RP1: variants seen among roughly 807,000 people sequenced by gnomAD.
The protein encoded by RP1 is oxygen-regulated protein 1.
Under a neutral mutation model 14.8 loss-of-function variants are expected in RP1, and 16 were observed. The ratio of observed to expected loss-of-function variants is 1.08; its 90% CI spans 0.73 to 1.65. The LOEUF (loss-of-function observed/expected upper bound fraction) is 1.65, where lower values mean the gene tolerates loss of function less well. Among genes scored for constraint, RP1 ranks in the 40% most tolerant of loss-of-function variants. The pLI is 0.00. For missense variants in RP1, 2,631 were observed against 2,535.0 expected, an observed-to-expected ratio of 1.04 and a Z score of -0.81; for synonymous variants, 876 against 883.6, an observed-to-expected ratio of 0.99 and a Z score of 0.15.
At chr8:54,641,303 C>T (rs1457883572) in intron 3 of RP1, among the ~76,000 whole-genome samples, 1 of 152,116 alleles carries the variant, frequency 6.6e-6, no homozygotes, top group Admixed American at 6.5e-5. Flanking sequence ...ATCATGAAGG[C>T]TGATCCTTTT....
chr8:54,571,410 G>C (rs771768913), intron 1 of RP1, among the ~76,000 whole-genome samples: 24 of 152,154 alleles, frequency 1.6e-4, no homozygotes, highest in Non-Finnish European at 3.2e-4. Flanking sequence ...CATATCATAG[G>C]TGCTTAATGA....
downstream of RP1, among the ~76,000 whole-genome samples, chr8:54,631,465 G>T (rs1406767501): frequency 6.6e-6 from 1 of 151,840 alleles, no homozygotes; most frequent in Non-Finnish European, 1.5e-5. Context: ...AGGGACTGTG[G>T]TACACCTGCA....
At chr8:54,601,648 T>C (rs1372700613) in intron 1 of RP1, among the ~76,000 whole-genome samples, 1 of 144,782 alleles carries the variant, frequency 6.9e-6, no homozygotes, top group Non-Finnish European at 1.5e-5. Context: ...TGCACAAGAA[T>C]GTTCATAGAA....
intron 1 of RP1, among the ~76,000 whole-genome samples, chr8:54,592,885 G>A (rs1465957362): frequency 6.6e-6 from 1 of 152,126 alleles, no homozygotes; most frequent in Admixed American, 6.5e-5. Flanking sequence ...TATCAAGAAA[G>A]CAAAAGTTTC....
chr8:54,739,605 T>C (rs1397834718), intron 19 of RP1, among the ~76,000 whole-genome samples: 1 of 152,140 alleles, frequency 6.6e-6, no homozygotes, highest in East Asian at 1.9e-4. Flanking sequence ...TCATTGATCA[T>C]TAGATGACCA....
chr8:54,734,855 G>C lies in RP1; in HGVS notation c.2721+111G>C, dbSNP rs1038266674. On this transcript the variant is annotated intron_variant, in intron 18 of 22. Coordinates refer to the RP1 transcript ENST00000636932. ...GTCTCCTATATAAAATGAACCTCTG[G>C]TCTTTTAGAATGCCTGTAAGTTAAT... 3 of 860,562 alleles carry C rather than the reference G, an allele frequency of 3.5e-6. No individual in the cohort carries two copies. In the African/African-American group the frequency reaches 5.1e-5, roughly 15 times the overall value. 53.3% of individuals were successfully genotyped at this position (860,562 alleles called of 1,614,324 possible).
chr8:54,707,352 A>G (rs1308616454), intron 15 of RP1, among the ~76,000 whole-genome samples: 1 of 152,088 alleles, frequency 6.6e-6, no homozygotes, highest in Non-Finnish European at 1.5e-5. Flanking sequence ...TCCAATGTCT[A>G]GGCTCAAGAG....
At position 54,702,611 on chromosome 8, in the gene RP1, C is replaced by A. The variant is rs184358687; in HGVS notation, c.1998+949C>A. On this transcript the variant is annotated intron_variant, in intron 14 of 22. Transcript: ENST00000636932. ...TGATGAATCAGGGTGGTGGTTGCTG[C>A]AGATTGGGGTGGCTGTGTCAGTTTC... is the stretch of plus-strand genomic sequence containing the variant. Among the ~76,000 whole-genome samples, 521 of 152,232 alleles carry A rather than the reference C, an allele frequency of 3.4e-3. 3 individuals are homozygous for A. Among genetic ancestry groups the A allele is most frequent in the Non-Finnish European group, 5.6e-3 (383 of 68,030 alleles).
chr8:54,762,289 G>C (rs1422987841), intron 22 of RP1, among the ~76,000 whole-genome samples: 1 of 152,152 alleles, frequency 6.6e-6, no homozygotes, highest in Non-Finnish European at 1.5e-5. Flanking sequence ...CCGAGTGCTT[G>C]TCCCTTTTTG....
upstream of RP1, among the ~76,000 whole-genome samples, chr8:54,614,942 T>G (rs1488521742): frequency 1.3e-5 from 2 of 152,192 alleles, no homozygotes; most frequent in Non-Finnish European, 2.9e-5. Flanking sequence ...AAATGCTGCA[T>G]TAGTCCTTAG....
At position 54,656,869 on chromosome 8, in the gene RP1, G is replaced by C. The variant is rs956350918; in HGVS notation, c.1171+654G>C. On this transcript the variant is annotated intron_variant, in intron 6 of 22. Transcript: ENST00000636932. ...AAAAAATGGATTTTTCTCCAATCCAGACTATGTTCTGTTAAAAATGTGATG... is the reference window on the plus strand; with the variant it reads ...AAAAAATGGATTTTTCTCCAATCCACACTATGTTCTGTTAAAAATGTGATG... 2.0e-5 allele frequency among the ~76,000 whole-genome samples: 3 copies of C among 151,124 alleles called. No individual in the cohort carries two copies. In the Admixed American group the frequency reaches 2.0e-4, roughly 10 times the overall value.
chr8:54,769,669 G>T, intron 22 of RP1: 2 of 1,088,892 alleles, frequency 1.8e-6, no homozygotes, highest in Non-Finnish European at 2.6e-6. Context: ...TTTTAAAATT[G>T]AGAAAATCAG....
At chr8:54,744,319 A>ACTCT (rs1233900021) in intron 19 of RP1, among the ~76,000 whole-genome samples, 105 of 152,298 alleles carry the variant, frequency 6.9e-4, no homozygotes, top group African/African-American at 2.4e-3. Flanking sequence ...CAAAAGGGGA[A>ACTCT]GAGGGCAAGG....
At chr8:54,697,137 C>A in intron 12 of RP1, 1 of 1,089,626 alleles carries the variant, frequency 9.2e-7, no homozygotes, top group South Asian at 1.3e-5. Context: ...ACCTAGGTGC[C>A]GAACAGCACT....
chr8:54,738,869 A>G (rs1809000231), intron 18 of RP1: 3 of 975,536 alleles, frequency 3.1e-6, no homozygotes, highest in Non-Finnish European at 4.3e-6. Flanking sequence ...CAGTTAGTGT[A>G]AAAAGAAAGA....
intron 14 of RP1, among the ~76,000 whole-genome samples, chr8:54,702,700 C>G (rs1808054752): frequency 6.6e-6 from 1 of 152,114 alleles, no homozygotes; most frequent in South Asian, 2.1e-4. Context: ...AAAGATTTCT[C>G]TATAGCATGC....
intron 19 of RP1, among the ~76,000 whole-genome samples, chr8:54,748,374 A>C (rs1324720002): frequency 6.6e-6 from 1 of 152,234 alleles, no homozygotes; most frequent in East Asian, 1.9e-4. Flanking sequence ...CAAAATCTCC[A>C]GGCAAATGTT....
chr8:54,572,271 G>A (rs1416817612), intron 1 of RP1, among the ~76,000 whole-genome samples: 1 of 152,220 alleles, frequency 6.6e-6, no homozygotes, highest in African/African-American at 2.4e-5. Context: ...CAGCTGACCG[G>A]CATCAGGCCC....
intron 1 of RP1, among the ~76,000 whole-genome samples, chr8:54,591,407 A>G (rs1248559888): frequency 1.3e-5 from 2 of 152,000 alleles, no homozygotes; most frequent in Non-Finnish European, 2.9e-5. Flanking sequence ...TCTGTTTGGA[A>G]TACATTTCTT....
Sources: gnomAD v4.1 joint callset for allele counts (sites outside exome capture counted in the v4.1 genomes callset) on GRCh38, gnomAD v4.1.1 for gene constraint, MANE v1.5 for transcripts, NCBI Gene and HGNC (gene_info 2026-07-23, HGNC 2026-07-21) for gene names.